GPM6A: variants seen among roughly 807,000 people sequenced by gnomAD.
GPM6A encodes neuronal membrane glycoprotein M6-a.
Under a neutral mutation model 32.1 loss-of-function variants are expected in GPM6A, and 7 were observed. The ratio of observed to expected loss-of-function variants is 0.22; its 90% confidence interval spans 0.12 to 0.41. The LOEUF is 0.41. GPM6A is among the 10% of genes least tolerant of loss of function. The probability of loss-of-function intolerance (pLI) is 1.00; values close to 1 mark genes in which losing one functional copy is unlikely to be tolerated. For synonymous variants in GPM6A, 130 were observed against 123.4 expected (o/e 1.05, Z -0.35); for missense variants, 235 against 347.2 (o/e 0.68, Z 2.57).
At chr4:175,715,359 G>A (rs1347621894) in intron 1 of GPM6A, among the ~76,000 whole-genome samples, 1 of 152,170 alleles carries the variant, frequency 6.6e-6, no homozygotes, top group African/African-American at 2.4e-5. Context: ...GATTGTTCAC[G>A]CAGATGCAGC....
intron 1 of GPM6A, among the ~76,000 whole-genome samples, chr4:175,992,377 C>T (rs974446194): frequency 2.0e-5 from 3 of 151,988 alleles, no homozygotes; most frequent in African/African-American, 7.2e-5. Context: ...TGGTTGAAGC[C>T]TTAGGTGTCT....
Position 175,867,221 on chromosome 4 carries a change from C to T in GPM6A, c.-22-54972G>A, listed in dbSNP as rs141661131. On this transcript the variant is annotated intron_variant, in intron 1 of 7. Transcript: ENST00000280187. ...GTGGCTTGTCTTCTCTTTCTCTTGA[C>T]GTTGTCTTTCACAGGGCAGAAGTTT... Among the ~76,000 whole-genome samples, 1,361 of 152,188 alleles carry T rather than the reference C, an allele frequency of 8.9e-3. 21 individuals are homozygous for T. Among genetic ancestry groups the T allele is most frequent in the South Asian group, 0.063 (305 of 4,816 alleles).
At chr4:175,790,929 T>C (rs905646101) in intron 1 of GPM6A, among the ~76,000 whole-genome samples, 1 of 152,208 alleles carries the variant, frequency 6.6e-6, no homozygotes, top group Non-Finnish European at 1.5e-5. Context: ...ATGTTTTAGC[T>C]TCACTTGGGT....
At chr4:175,933,925 A>C (rs77088453) in intron 1 of GPM6A, among the ~76,000 whole-genome samples, 9,338 of 152,306 alleles carry the variant, frequency 0.061, 898 homozygotes, top group African/African-American at 0.21. Context: ...CACTGTGAAT[A>C]CATACAATGG....
chr4:175,849,354 A>C (rs1347562269), intron 1 of GPM6A, among the ~76,000 whole-genome samples: 1 of 152,218 alleles, frequency 6.6e-6, no homozygotes, highest in African/African-American at 2.4e-5. Flanking sequence ...AGGTATGAGA[A>C]CATGGATGCT....
chr4:175,899,702 C>A (rs1737893032), intron 1 of GPM6A, among the ~76,000 whole-genome samples: 1 of 152,088 alleles, frequency 6.6e-6, no homozygotes, highest in East Asian at 1.9e-4. Flanking sequence ...CTATCTCTCG[C>A]CATATACAAA....
intron 1 of GPM6A, among the ~76,000 whole-genome samples, chr4:175,870,499 T>C (rs1736873593): frequency 6.6e-6 from 1 of 152,206 alleles, no homozygotes; most frequent in East Asian, 1.9e-4. Context: ...AAATAATGTA[T>C]ATAAAATATT....
chr4:175,661,454 T>C (rs1426247574), intron 3 of GPM6A, among the ~76,000 whole-genome samples: 1 of 144,182 alleles, frequency 6.9e-6, no homozygotes, highest in African/African-American at 2.5e-5. Flanking sequence ...AAAAAAAAAG[T>C]CACTGAAAGT....
chr4:175,844,682 TG>T (rs1032962678), intron 1 of GPM6A, among the ~76,000 whole-genome samples: 2 of 152,158 alleles, frequency 1.3e-5, no homozygotes, highest in Admixed American at 1.3e-4. Flanking sequence ...ACTCTACAAA[TG>T]ATGAAAAGAA....
intron 1 of GPM6A, among the ~76,000 whole-genome samples, chr4:175,836,027 T>C (rs973291726): frequency 1.3e-5 from 2 of 151,990 alleles, no homozygotes; most frequent in Non-Finnish European, 2.9e-5. Flanking sequence ...TGCCTAATTA[T>C]AGGGGGCTGA....
intron 1 of GPM6A, among the ~76,000 whole-genome samples, chr4:175,740,487 A>C (rs1256698142): frequency 6.6e-6 from 1 of 152,066 alleles, no homozygotes; most frequent in Non-Finnish European, 1.5e-5. Context: ...GGACTTTCTC[A>C]GTGGAGAAAA....
At chr4:175,907,937 T>C (rs1367281946) in intron 1 of GPM6A, among the ~76,000 whole-genome samples, 1 of 152,138 alleles carries the variant, frequency 6.6e-6, no homozygotes, top group African/African-American at 2.4e-5. Flanking sequence ...GCCTCAGCCA[T>C]AAACCTACGA....
intron 3 of GPM6A, among the ~76,000 whole-genome samples, chr4:175,670,327 G>C (rs1254767974): frequency 6.6e-6 from 1 of 152,170 alleles, no homozygotes; most frequent in East Asian, 1.9e-4. Context: ...TGATGTCACA[G>C]TAGCAATCGG....
chr4:175,835,517 T>C (rs1049918409), intron 1 of GPM6A, among the ~76,000 whole-genome samples: 8 of 151,216 alleles, frequency 5.3e-5, no homozygotes, highest in African/African-American at 1.7e-4. Flanking sequence ...ACCTTCTCTG[T>C]CCTCCATTTC....
intron 1 of GPM6A, among the ~76,000 whole-genome samples, chr4:175,926,778 T>C (rs557941150): frequency 1.4e-4 from 22 of 152,306 alleles, no homozygotes; most frequent in Non-Finnish European, 2.8e-4. Context: ...TTCAAAAACA[T>C]TATTTTTCAT....
chr4:175,727,948 G>A (rs1359328435), intron 1 of GPM6A, among the ~76,000 whole-genome samples: 5 of 147,476 alleles, frequency 3.4e-5, no homozygotes. Flanking sequence ...GTGTTACCGT[G>A]AGCCAAGATT....
chr4:175,785,183 T>C (rs1323213051), intron 1 of GPM6A, among the ~76,000 whole-genome samples: 2 of 152,106 alleles, frequency 1.3e-5, no homozygotes, highest in Non-Finnish European at 2.9e-5. Flanking sequence ...CCTGACCAAG[T>C]CCAATCGCCA....
chr4:175,939,659 T>G (rs1739344260), intron 1 of GPM6A, among the ~76,000 whole-genome samples: 1 of 152,080 alleles, frequency 6.6e-6, no homozygotes, highest in Non-Finnish European at 1.5e-5. Flanking sequence ...GCCTACCAGA[T>G]GGAAAAAGTC....
intron 1 of GPM6A, among the ~76,000 whole-genome samples, chr4:175,852,629 G>A (rs1336205302): frequency 2.0e-5 from 3 of 152,138 alleles, no homozygotes; most frequent in Admixed American, 2.0e-4. Flanking sequence ...ATTTGAAAAT[G>A]TATTTGGCCT....
Sources: allele counts gnomAD v4.1 joint callset (sites outside exome capture counted in the v4.1 genomes callset), GRCh38; gene constraint gnomAD v4.1.1; transcripts MANE v1.5; gene names NCBI Gene and HGNC (gene_info 2026-07-23, HGNC 2026-07-21).